Variants in SLCO3A1 observed in about 807,000 individuals in gnomAD.
SLCO3A1 encodes the protein PGE1 transporter.
Under a neutral mutation model 63.1 loss-of-function variants are expected in SLCO3A1, and 27 were observed. That is an observed-to-expected ratio of 0.43 (90% CI 0.32 to 0.59). The LOEUF (loss-of-function observed/expected upper bound fraction) is 0.59, where lower values mean the gene tolerates loss of function less well. SLCO3A1 is among the 20% of genes least tolerant of loss of function. SLCO3A1 has a pLI of 0.09. For synonymous variants in SLCO3A1, 473 were observed against 409.9 expected, an observed-to-expected ratio of 1.15 and a Z score of -1.86; for missense variants, 773 against 945.8, an observed-to-expected ratio of 0.82 and a Z score of 2.40.
chr15:91,914,002 A>G (rs114287195), intron 1 of SLCO3A1, among the ~76,000 whole-genome samples: 2,460 of 152,096 alleles, frequency 0.016, 70 homozygotes, highest in African/African-American at 0.056. Flanking sequence ...TGACCCCTAC[A>G]CTATTAAACC....
At chr15:91,877,008 C>G (rs1897416838) in intron 1 of SLCO3A1, among the ~76,000 whole-genome samples, 1 of 152,240 alleles carries the variant, frequency 6.6e-6, no homozygotes, top group African/African-American at 2.4e-5. Context: ...TGAGAAACCT[C>G]AATACCATAA....
intron 9 of SLCO3A1, among the ~76,000 whole-genome samples, chr15:92,153,799 C>T (rs2048337498): frequency 6.6e-6 from 1 of 151,976 alleles, no homozygotes; most frequent in South Asian, 2.1e-4. Flanking sequence ...GGGGTAAAAG[C>T]CCGGGGATGA....
intron 1 of SLCO3A1, among the ~76,000 whole-genome samples, chr15:91,898,394 A>C (rs1373115923): frequency 6.6e-6 from 1 of 152,186 alleles, no homozygotes; most frequent in African/African-American, 2.4e-5. Flanking sequence ...TTCCCCAAAC[A>C]ATGTGTCTCT....
chr15:92,170,196 T>C (rs938982907), downstream of SLCO3A1, among the ~76,000 whole-genome samples: 1 of 152,198 alleles, frequency 6.6e-6, no homozygotes, highest in African/African-American at 2.4e-5. Flanking sequence ...CATTTGATTT[T>C]ATAATCTAAG....
intron 3 of SLCO3A1, among the ~76,000 whole-genome samples, chr15:92,101,622 G>A (rs1040900429): frequency 5.9e-5 from 9 of 152,080 alleles, no homozygotes; most frequent in South Asian, 2.1e-4. Context: ...AGCCTCCCCC[G>A]CCCTCAGGGC....
At chr15:92,062,289 G>A (rs967400852) in intron 2 of SLCO3A1, among the ~76,000 whole-genome samples, 2 of 152,206 alleles carry the variant, frequency 1.3e-5, no homozygotes, top group African/African-American at 4.8e-5. Flanking sequence ...TTTGCATTCT[G>A]TCTGAATTTT....
Position 91,897,319 on chromosome 15 carries a change from C to T in SLCO3A1, c.181-18674C>T, listed in dbSNP as rs1383895946. 3.3e-5 allele frequency among the ~76,000 whole-genome samples: 5 copies of T among 152,124 alleles called. No individual in the cohort carries two copies. Among genetic ancestry groups the T allele is most frequent in the Admixed American group, 6.5e-5 (1 of 15,284 alleles). On this transcript the variant is annotated intron_variant, in intron 1 of 9. Coordinates refer to ENST00000318445, the MANE Select transcript of SLCO3A1 (RefSeq NM_013272.4). This position sits in a 1 kb window ranked among gnomAD's most constrained non-coding sequence, Gnocchi z 4.7. ...ACTAAAAATTAGCTGGGCATGGTGG[C>T]GGGCACCTATAATCCCAGCTACTCA...
chr15:91,979,461 G>A lies in SLCO3A1; in HGVS notation c.646+63003G>A, dbSNP rs75170280. 8.0e-4 allele frequency among the ~76,000 whole-genome samples: 122 copies of A among 152,314 alleles called. 1 individual carries two copies. Among genetic ancestry groups the A allele is most frequent in the East Asian group, 6.9e-3 (36 of 5,180 alleles). On this transcript the variant is annotated intron_variant, in intron 2 of 9. Transcript: ENST00000318445. ...AGATTTTGGAGCATTTTGGATTTCA[G>A]ACTGGGGATGCTCAACCTGTATAAA...
chr15:91,963,478 G>C (rs1267955378), intron 2 of SLCO3A1, among the ~76,000 whole-genome samples: 1 of 151,936 alleles, frequency 6.6e-6, no homozygotes, highest in African/African-American at 2.4e-5. Flanking sequence ...AAAGTGGTGT[G>C]GGTAGTGAGA....
intron 2 of SLCO3A1, among the ~76,000 whole-genome samples, chr15:91,963,717 T>C (rs377649765): frequency 2.0e-5 from 3 of 152,128 alleles, no homozygotes; most frequent in East Asian, 3.8e-4. Flanking sequence ...TTCTTCCTTT[T>C]GGTGGGTTCG....
At position 92,033,360 on chromosome 15, in the gene SLCO3A1, C is replaced by G. The variant is rs2046679697; in HGVS notation, c.647-61521C>G. ...CTGCAACCCTCCTCTCCTCCAAGAG[C>G]AGGGTAACTTCCTCCTCTTGCATTC... is the stretch of plus-strand genomic sequence containing the variant. On this transcript the variant is annotated intron_variant, in intron 2 of 9. Transcript: ENST00000318445. This position sits in a 1 kb window ranked among gnomAD's most constrained non-coding sequence, Gnocchi z 4.5. Among the ~76,000 whole-genome samples, 1 of 152,206 alleles carries G rather than the reference C, an allele frequency of 6.6e-6. No homozygotes were observed. Among genetic ancestry groups the G allele is most frequent in the African/African-American group, 2.4e-5 (1 of 41,446 alleles).
intron 2 of SLCO3A1, among the ~76,000 whole-genome samples, chr15:92,058,289 T>C (rs1417822459): frequency 6.6e-6 from 1 of 152,164 alleles, no homozygotes; most frequent in East Asian, 1.9e-4. Context: ...CCCTTTCTGC[T>C]ATTTAAGGGA....
intron 2 of SLCO3A1, among the ~76,000 whole-genome samples, chr15:92,059,309 G>A (rs909153907): frequency 7.9e-5 from 12 of 152,218 alleles, no homozygotes; most frequent in African/African-American, 2.9e-4. Context: ...CTGTGGCTGG[G>A]CTGGTTTAGC....
intron 2 of SLCO3A1, among the ~76,000 whole-genome samples, chr15:91,991,557 C>G (rs986507113): frequency 6.6e-6 from 1 of 152,114 alleles, no homozygotes; most frequent in Admixed American, 6.5e-5. Context: ...TTTGAGTGAT[C>G]TAAAATTTTC....
intron 2 of SLCO3A1, among the ~76,000 whole-genome samples, chr15:91,918,160 C>G (rs756958946): frequency 2.0e-5 from 3 of 152,182 alleles, no homozygotes; most frequent in Non-Finnish European, 2.9e-5. Flanking sequence ...TTGAATGTGC[C>G]AAAAGCTTTA....
chr15:92,005,239 A>G (rs953571895), intron 2 of SLCO3A1, among the ~76,000 whole-genome samples: 6 of 152,228 alleles, frequency 3.9e-5, no homozygotes, highest in Non-Finnish European at 8.8e-5. Flanking sequence ...TCATCAAGGT[A>G]GCTCTGCCCA....
intron 4 of SLCO3A1, among the ~76,000 whole-genome samples, chr15:92,120,089 A>G (rs1213565013): frequency 6.6e-6 from 1 of 152,088 alleles, no homozygotes; most frequent in Non-Finnish European, 1.5e-5. Flanking sequence ...ACACACACAC[A>G]CACACATTTT....
intron 7 of SLCO3A1, among the ~76,000 whole-genome samples, chr15:92,139,459 C>T (rs2151579337): frequency 6.6e-6 from 1 of 152,210 alleles, no homozygotes; most frequent in East Asian, 1.9e-4. Context: ...TGTCTCTGCC[C>T]AGCTTTGGTG....
rs2048478135 is a variant in SLCO3A1 at position 92,164,654 on chromosome 15, C to T, written c.*1519C>T. 7.1e-6 allele frequency: 7 copies of T among 985,238 alleles called. No individual in the cohort carries two copies. The highest frequency in any genetic ancestry group is 1.7e-5 in the African/African-American group (1 of 57,210). 61.0% of individuals were successfully genotyped at this position (985,238 alleles called of 1,614,324 possible). Reference sequence around the variant, plus strand: ...AGACCCACAAGCTCCTGGAAGCTGTCGTGTGTCCAATGCGTGAAAATGTCT... The same window carrying T: ...AGACCCACAAGCTCCTGGAAGCTGTTGTGTGTCCAATGCGTGAAAATGTCT... On this transcript the variant is annotated 3_prime_UTR_variant, in exon 10 of 10. Coordinates refer to ENST00000318445, the MANE Select transcript of SLCO3A1 (RefSeq NM_013272.4).
Sources: gnomAD v4.1 joint callset for allele counts (sites outside exome capture counted in the v4.1 genomes callset) on GRCh38, gnomAD v4.1.1 for gene constraint, Gnocchi (gnomAD v3.1) non-coding constraint, MANE v1.5 for transcripts, NCBI Gene and HGNC (gene_info 2026-07-23, HGNC 2026-07-21) for gene names.